The following SLC6A19 variants were observed in gnomAD, a reference collection of about 807,000 sequenced individuals.
The protein encoded by SLC6A19 is sodium-dependent neutral amino acid transporter B(0)AT1.
Under a neutral mutation model 68.3 loss-of-function variants are expected in SLC6A19, and 67 were observed. The observed-to-expected ratio is 0.98, with a 90% confidence interval of 0.81 to 1.20. The LOEUF (loss-of-function observed/expected upper bound fraction) is 1.20, where lower values mean the gene tolerates loss of function less well. SLC6A19 is among the 50% of genes most tolerant of loss of function. The pLI, the probability that SLC6A19 is intolerant of heterozygous loss-of-function variation, is 0.00. For synonymous variants in SLC6A19, 392 were observed against 374.9 expected, an observed-to-expected ratio of 1.05 and a Z score of -0.53; for missense variants, 813 against 851.6, an observed-to-expected ratio of 0.95 and a Z score of 0.56.
chr5:1,213,636 G>T, intron 5 of SLC6A19, 63 bp downstream of exon 5: 4 of 1,474,172 alleles, frequency 2.7e-6, no homozygotes, highest in Non-Finnish European at 3.7e-6. Flanking sequence ...CTGTGCCCCC[G>T]CCAGCCTCAA....
At chr5:1,219,456 G>A (rs374533111) in intron 9 of SLC6A19, 49 bp from the exon 10 acceptor site, 105 of 1,603,382 alleles carry the variant, frequency 6.5e-5, no homozygotes, top group Middle Eastern at 1.7e-4. Flanking sequence ...GTCCCTGGCC[G>A]TGCGTGCAGC....
At position 1,212,512 on chromosome 5, in the gene SLC6A19, G is replaced by C; in HGVS notation, c.663+28G>C. 6.2e-7 allele frequency: 1 copy of C among 1,602,680 alleles called. No homozygotes were observed. The highest frequency in any genetic ancestry group is 8.5e-7 in the Non-Finnish European group (1 of 1,179,586). ...ACTGCATGGGCCCGGCCAGGCTGCAGGTGCTCCAGAGGGCGGGTGCGGGCA... is the reference window on the plus strand; with the variant it reads ...ACTGCATGGGCCCGGCCAGGCTGCACGTGCTCCAGAGGGCGGGTGCGGGCA... On this transcript the variant is annotated intron_variant, in intron 4 of 11. Transcript: ENST00000304460. This position sits in a 1 kb window ranked among gnomAD's most constrained non-coding sequence, Gnocchi z 5.1.
At position 1,210,436 on chromosome 5, in the gene SLC6A19, C is replaced by A; in HGVS notation, c.344-8C>A. 6.2e-7 allele frequency: 1 copy of A among 1,612,766 alleles called. No homozygotes were observed. The highest frequency in any genetic ancestry group is 8.5e-7 in the Non-Finnish European group (1 of 1,179,974). ...CGGCCCCAAGCCTCAGCAGCAGCCT[C>A]CCTGCAGGCCTGGCCTCCATGCTCA... On this transcript the variant is annotated splice_polypyrimidine_tract_variant and splice_region_variant and intron_variant, in intron 2 of 11. Transcript: ENST00000304460.
At chr5:1,208,700 T>TCCC in intron 1 of SLC6A19, 46 bp from the exon 2 acceptor site, 1 of 1,612,558 alleles carries the variant, frequency 6.2e-7, no homozygotes, top group Non-Finnish European at 8.5e-7. Context: ...GCCTTCCTGC[T>TCCC]CCCCCGGGAA....
chr5:1,219,326 C>T (rs560674898), intron 9 of SLC6A19, among the ~76,000 whole-genome samples, 179 bp from the exon 10 acceptor site: 5 of 151,156 alleles, frequency 3.3e-5, no homozygotes, highest in African/African-American at 1.2e-4. Flanking sequence ...TGTCCCCGGC[C>T]GTGCGTGCAG....
Position 1,224,186 on chromosome 5 carries a change from A to C in SLC6A19, c.*2282A>C, listed in dbSNP as rs1040986769. 1 of 152,252 alleles carries C rather than the reference A, an allele frequency of 6.6e-6. No homozygotes were observed. The highest frequency in any genetic ancestry group is 6.5e-5 in the Admixed American group (1 of 15,290). The allele number at this position is 152,252 out of a possible 1,614,324, so 9.4% of individuals were successfully genotyped here. On this transcript the variant is annotated 3_prime_UTR_variant, in exon 12 of 12. Transcript: ENST00000304460. ...TGTACCCTGGCATGCACAGGTGTGC[A>C]CTGATGTGCCCTGGCATCCATTGGT...
Position 1,209,720 on chromosome 5 carries a change from CTTTT to C in SLC6A19, c.344-720_344-717del, listed in dbSNP as rs938927749. Among the ~76,000 whole-genome samples the C allele has an allele frequency of 6.6e-6, 1 of 150,734 alleles. No homozygotes were observed. Among genetic ancestry groups the C allele is most frequent in the African/African-American group, 2.4e-5 (1 of 40,932 alleles). On this transcript the variant is annotated intron_variant, in intron 2 of 11. Transcript: ENST00000304460. The surrounding 1 kb of genome is among the most constrained non-coding windows in gnomAD (Gnocchi z 5.5). ...TCTCTCTCTCCCTCTCAGTCTCTGT[CTTTT>C]TTTCTTTCCCCCTCCTATTCTCTCT... is the stretch of plus-strand genomic sequence containing the variant.
At chr5:1,218,026 CACCACCTCCT>C in intron 8 of SLC6A19, among the ~76,000 whole-genome samples, 1 of 151,910 alleles carries the variant, frequency 6.6e-6, no homozygotes, top group Admixed American at 6.6e-5. Flanking sequence ...CGCCACCTCC[CACCACCTCCT>C]GCCTCCTCCC....
chr5:1,208,411 A>T (rs1325141069), intron 1 of SLC6A19, among the ~76,000 whole-genome samples: 2 of 152,088 alleles, frequency 1.3e-5, no homozygotes, highest in Non-Finnish European at 2.9e-5. Flanking sequence ...GTGGGTGGGG[A>T]GGTCGATTCC....
chr5:1,201,784 G>A lies in SLC6A19; in HGVS notation c.134G>A (p.Cys45Tyr). 1 of 1,612,774 alleles carries A rather than the reference G, an allele frequency of 6.2e-7. No homozygotes were observed. Among genetic ancestry groups the A allele is most frequent in the South Asian group, 1.1e-5 (1 of 91,086 alleles). ...AACAAGGCGCAGTACATGCTCACCT[G>A]CCTGGGCTTCTGCGTGGGCCTCGGC... Reference protein sequence around the residue: ...WDNKAQYMLTCLGFCVGLGNV... With the variant: ...WDNKAQYMLTYLGFCVGLGNV... The change falls in exon 1 of 12, where the codon TGC becomes TAC. Residue 45 changes from cysteine (C) to tyrosine (Y), a missense_variant. Physicochemically the swap from Cys to Tyr is radical, Grantham distance 194. Transcript: ENST00000304460.
At chr5:1,221,427 GCA>G (rs1402278309) in intron 11 of SLC6A19, 114 bp downstream of exon 11, 2 of 1,330,688 alleles carry the variant, frequency 1.5e-6, no homozygotes, top group African/African-American at 1.4e-5. Flanking sequence ...ACACACATGG[GCA>G]CACACACTCA....
chr5:1,220,638 C>CCACCTT (rs1370237672), intron 10 of SLC6A19, among the ~76,000 whole-genome samples: 2 of 152,122 alleles, frequency 1.3e-5, no homozygotes, highest in East Asian at 3.9e-4. Flanking sequence ...CCATGGGTAC[C>CCACCTT]CACCTGGACA....
intron 3 of SLC6A19, among the ~76,000 whole-genome samples, chr5:1,211,566 G>A (rs1268874898): frequency 6.6e-6 from 1 of 152,252 alleles, no homozygotes; most frequent in African/African-American, 2.4e-5. Context: ...AAAGGTGTGT[G>A]CATGCATGGG....
At chr5:1,206,628 G>T (rs1201127765) in intron 1 of SLC6A19, among the ~76,000 whole-genome samples, 1 of 152,170 alleles carries the variant, frequency 6.6e-6, no homozygotes, top group Non-Finnish European at 1.5e-5. Flanking sequence ...GAAGGAGGGT[G>T]AGGGTGCCCA....
rs1284246412 is a variant in SLC6A19 at position 1,218,972 on chromosome 5, C to A, written c.1243C>A (p.Leu415Met). Reference sequence around the variant, plus strand: ...CATCACCAAGATGCCGTTGTCCCCACTGTGGTCTGTGCTCTTCTTCATTAT... The same window carrying A: ...CATCACCAAGATGCCGTTGTCCCCAATGTGGTCTGTGCTCTTCTTCATTAT... Reference protein sequence around the residue: ...EAITKMPLSPLWSVLFFIMLF... With the variant: ...EAITKMPLSPMWSVLFFIMLF... Residue 415 changes from leucine (L) to methionine (M), a missense_variant, in exon 9 of 12, where the codon CTG becomes ATG. Leu to Met is a conservative substitution (Grantham distance 15). Coordinates refer to ENST00000304460, the MANE Select transcript of SLC6A19 (RefSeq NM_001003841.3). 1.9e-6 allele frequency: 3 copies of A among 1,614,124 alleles called. No individual in the cohort carries two copies. Among genetic ancestry groups the A allele is most frequent in the Non-Finnish European group, 2.5e-6 (3 of 1,180,028 alleles).
chr5:1,217,025 G>A, intron 8 of SLC6A19, 80 bp downstream of exon 8: 1 of 1,600,792 alleles, frequency 6.2e-7, no homozygotes, highest in Non-Finnish European at 8.5e-7. Context: ...CTGGGCCCCT[G>A]GCCTGTGGAG....
Position 1,224,393 on chromosome 5 carries a change from A to C in SLC6A19, c.*2489A>C, listed in dbSNP as rs1415956473. The stretch of plus-strand genomic sequence containing the variant: ...TTCTATTGAGTATGCTCACCCTAGA[A>C]GTTACTGTTGTCCAGACGTAGAGGG... On this transcript the variant is annotated 3_prime_UTR_variant, in exon 12 of 12. Transcript: ENST00000304460. 2.6e-5 allele frequency: 4 copies of C among 152,272 alleles called. No individual in the cohort carries two copies. The highest frequency in any genetic ancestry group is 9.6e-5 in the African/African-American group (4 of 41,466). 9.4% of individuals were successfully genotyped at this position (152,272 alleles called of 1,614,324 possible).
At position 1,210,295 on chromosome 5, in the gene SLC6A19, G is replaced by T. The variant is rs139431580; in HGVS notation, c.344-149G>T. The T allele has an allele frequency of 7.5e-3, 8,430 of 1,120,900 alleles. 75 individuals carry two copies. The highest frequency in any genetic ancestry group is 0.025 in the South Asian group (1,740 of 70,744). The allele number at this position is 1,120,900 out of a possible 1,614,324, so 69.4% of individuals were successfully genotyped here. On this transcript the variant is annotated intron_variant, in intron 2 of 11. Coordinates refer to ENST00000304460, the MANE Select transcript of SLC6A19 (RefSeq NM_001003841.3). Reference sequence around the variant, plus strand: ...ACCACGGCATCAGCTGCATGATCCCGGCCTGCACTGGGTCGGCCCCTCAGA... The same window carrying T: ...ACCACGGCATCAGCTGCATGATCCCTGCCTGCACTGGGTCGGCCCCTCAGA...
intron 9 of SLC6A19, among the ~76,000 whole-genome samples, 179 bp downstream of exon 9, chr5:1,219,286 G>A (rs1454325849): frequency 2.0e-5 from 3 of 150,760 alleles, no homozygotes; most frequent in Non-Finnish European, 4.5e-5. Context: ...CCCCGGCCGT[G>A]TGTGCAGCCC....
Sources: gnomAD v4.1 joint callset for allele counts (sites outside exome capture counted in the v4.1 genomes callset) on GRCh38, gnomAD v4.1.1 for gene constraint, Gnocchi (gnomAD v3.1) non-coding constraint, MANE v1.5 for transcripts, NCBI Gene and HGNC (gene_info 2026-07-23, HGNC 2026-07-21) for gene names.